NPAS3: variants seen among roughly 807,000 people sequenced by gnomAD.
NPAS3 encodes the protein neuronal PAS domain-containing protein 3.
A neutral mutation model predicts 73.1 loss-of-function variants in NPAS3; 14 were observed. The ratio of observed to expected loss-of-function variants is 0.19; its 90% CI spans 0.13 to 0.30. The LOEUF (loss-of-function observed/expected upper bound fraction) is 0.30. Among genes scored for constraint, NPAS3 ranks in the 10% least tolerant of loss-of-function variants. The pLI is 1.00. For synonymous variants in NPAS3, 620 were observed against 541.5 expected, an observed-to-expected ratio of 1.14 and a Z score of -2.01; for missense variants, 1,096 against 1,250.0, an observed-to-expected ratio of 0.88 and a Z score of 1.86.
chr14:33,590,738 C>G (rs1212112146), intron 5 of NPAS3, among the ~76,000 whole-genome samples: 1 of 152,136 alleles, frequency 6.6e-6, no homozygotes, highest in African/African-American at 2.4e-5. Context: ...AGCAAAACAC[C>G]AATGTCTTTG....
intron 4 of NPAS3, among the ~76,000 whole-genome samples, chr14:33,379,372 A>G (rs1158694019): frequency 6.6e-6 from 1 of 152,194 alleles, no homozygotes; most frequent in Non-Finnish European, 1.5e-5. Context: ...AGACAATCAT[A>G]AGGTTACATG....
At chr14:33,345,805 T>C (rs2044701007) in intron 3 of NPAS3, among the ~76,000 whole-genome samples, 1 of 152,232 alleles carries the variant, frequency 6.6e-6, no homozygotes, top group African/African-American at 2.4e-5. Flanking sequence ...ATCAGCTAAG[T>C]ACTTACATAA....
intron 1 of NPAS3, among the ~76,000 whole-genome samples, chr14:33,036,989 C>T (rs2040190543): frequency 1.3e-5 from 2 of 152,166 alleles, no homozygotes; most frequent in South Asian, 4.1e-4. Context: ...TCTGACTTAT[C>T]ATCCTCTTAT....
intron 2 of NPAS3, among the ~76,000 whole-genome samples, chr14:33,212,476 ATAAAG>A (rs2047075594): frequency 6.7e-6 from 1 of 149,338 alleles, no homozygotes; most frequent in Non-Finnish European, 1.5e-5. Context: ...TAAAAAAAAC[ATAAAG>A]TAAATTCTGA....
chr14:33,280,215 T>C (rs2041536838), intron 3 of NPAS3, among the ~76,000 whole-genome samples: 1 of 151,454 alleles, frequency 6.6e-6, no homozygotes, highest in African/African-American at 2.4e-5. Context: ...CATACCCCTT[T>C]TACTCTCCTC....
chr14:33,116,106 C>G (rs370379757), intron 2 of NPAS3, among the ~76,000 whole-genome samples: 1 of 151,842 alleles, frequency 6.6e-6, no homozygotes, highest in East Asian at 1.9e-4. Context: ...TACTTGGGTG[C>G]CTTTTAGTGG....
chr14:33,423,189 A>G (rs1257878451), intron 4 of NPAS3, among the ~76,000 whole-genome samples: 2 of 152,064 alleles, frequency 1.3e-5, no homozygotes, highest in Non-Finnish European at 2.9e-5. Flanking sequence ...CTAGAACTAC[A>G]ATTTCACACC....
intron 3 of NPAS3, among the ~76,000 whole-genome samples, chr14:33,216,818 C>T (rs1431349816): frequency 5.3e-5 from 8 of 152,158 alleles, no homozygotes; most frequent in Non-Finnish European, 1.2e-4. Context: ...GGAGAACACA[C>T]AACAGAGGTA....
intron 2 of NPAS3, among the ~76,000 whole-genome samples, chr14:33,202,635 CATT>C (rs1449712525): frequency 6.6e-6 from 1 of 150,742 alleles, no homozygotes; most frequent in African/African-American, 2.4e-5. Flanking sequence ...TGAGTATGCT[CATT>C]AATATCCTAA....
intron 3 of NPAS3, among the ~76,000 whole-genome samples, chr14:33,355,790 T>C (rs1276676086): frequency 2.0e-5 from 3 of 152,206 alleles, no homozygotes; most frequent in African/African-American, 7.2e-5. Flanking sequence ...TATTATAACC[T>C]TGGAGAGGCT....
chr14:33,441,568 A>G (rs919688332), intron 4 of NPAS3, among the ~76,000 whole-genome samples: 1 of 152,182 alleles, frequency 6.6e-6, no homozygotes, highest in Non-Finnish European at 1.5e-5. Context: ...TTATTGTACT[A>G]TTCGCATTTT....
intron 2 of NPAS3, among the ~76,000 whole-genome samples, chr14:33,172,889 A>T (rs2045449879): frequency 6.6e-6 from 1 of 152,288 alleles, no homozygotes; most frequent in South Asian, 2.1e-4. Context: ...TTTAGGTTAC[A>T]TGTGATTACT....
At chr14:33,771,125 A>C (rs2062637419) in intron 7 of NPAS3, among the ~76,000 whole-genome samples, 1 of 152,190 alleles carries the variant, frequency 6.6e-6, no homozygotes. Flanking sequence ...AAAATGAAAA[A>C]TTCAGCGATC....
intron 1 of NPAS3, among the ~76,000 whole-genome samples, chr14:32,989,582 C>T (rs113003396): frequency 0.034 from 5,169 of 152,074 alleles, 98 homozygotes; most frequent in Middle Eastern, 0.082. Context: ...GGGGCGGAGC[C>T]TGCAGTGAGC....
intron 4 of NPAS3, among the ~76,000 whole-genome samples, chr14:33,550,622 G>A (rs1350046015): frequency 6.6e-6 from 1 of 152,210 alleles, no homozygotes; most frequent in East Asian, 1.9e-4. Flanking sequence ...CCTAGACTCA[G>A]CAGCCAACTG....
At chr14:33,185,270 G>A (rs1339721634) in intron 2 of NPAS3, among the ~76,000 whole-genome samples, 1 of 152,108 alleles carries the variant, frequency 6.6e-6, no homozygotes, top group Non-Finnish European at 1.5e-5. Flanking sequence ...TCCCATATTT[G>A]TGGCGTTATC....
chr14:33,313,434 G>A (rs572054871), intron 3 of NPAS3, among the ~76,000 whole-genome samples: 126 of 152,078 alleles, frequency 8.3e-4, no homozygotes, highest in African/African-American at 2.8e-3. Context: ...AACTACCAAG[G>A]CACCTCGCTG....
intron 4 of NPAS3, among the ~76,000 whole-genome samples, chr14:33,393,798 A>T (rs538980889): frequency 3.9e-5 from 6 of 152,248 alleles, no homozygotes; most frequent in African/African-American, 1.2e-4. Context: ...GTCAAGAGTT[A>T]ACTACTTGTA....
chr14:33,355,272 T>C (rs2045283269), intron 3 of NPAS3, among the ~76,000 whole-genome samples: 1 of 152,200 alleles, frequency 6.6e-6, no homozygotes, highest in African/African-American at 2.4e-5. Flanking sequence ...TAGAGTTAGA[T>C]GCTCCTTTTC....
Sources: gnomAD v4.1 joint callset for allele counts (sites outside exome capture counted in the v4.1 genomes callset) on GRCh38, gnomAD v4.1.1 for gene constraint, MANE v1.5 for transcripts, NCBI Gene and HGNC (gene_info 2026-07-23, HGNC 2026-07-21) for gene names.